The following GALNT13 variants were observed in gnomAD, a reference collection of about 807,000 sequenced individuals.
GALNT13 encodes the protein polypeptide N-acetylgalactosaminyltransferase 13.
In GALNT13, 28 loss-of-function variants were observed where a neutral mutation model predicts 64.2. The observed-to-expected ratio is 0.44, with a 90% CI of 0.32 to 0.60. The LOEUF (loss-of-function observed/expected upper bound fraction) is 0.60. Ranked by LOEUF, GALNT13 falls within the 20% of genes least tolerant of loss-of-function variation. The pLI is 0.05. For missense variants in GALNT13, 577 were observed against 669.8 expected (o/e 0.86, Z 1.53); for synonymous variants, 214 against 224.6 (o/e 0.95, Z 0.42).
chr2:153,164,968 T>C, the GALNT13 span, among the ~76,000 whole-genome samples: 6 of 152,238 alleles, frequency 3.9e-5, no homozygotes, highest in South Asian at 1.2e-3. Context: ...TCAAAACTTT[T>C]GATCTGTGAC....
At chr2:154,383,579 C>G (rs1197057282) in intron 9 of GALNT13, among the ~76,000 whole-genome samples, 1 of 151,790 alleles carries the variant, frequency 6.6e-6, no homozygotes, top group African/African-American at 2.4e-5. Flanking sequence ...TGTGTTTTTT[C>G]TTTACTAACT....
rs796296322 is a variant in GALNT13, at chr2:154,049,104, T to TTTG, written c.143-91231_143-91229dup. 1.1e-4 allele frequency among the ~76,000 whole-genome samples: 16 copies of TTTG among 152,168 alleles called. 1 individual carries two copies. Among genetic ancestry groups the TTTG allele is most frequent in the African/African-American group, 3.9e-4 (16 of 41,530 alleles). Reference sequence around the variant, plus strand: ...AATGACATCTTGTCTCTGTCATCCCTTTGTAGTCCATCAAAATGATTAATG... The same window carrying TTTG: ...AATGACATCTTGTCTCTGTCATCCCTTTGTTGTAGTCCATCAAAATGATTAATG... On this transcript the variant is annotated intron_variant, in intron 3 of 12. Coordinates refer to ENST00000392825, the MANE Select transcript of GALNT13 (RefSeq NM_052917.4).
chr2:154,450,140 A>ATT (rs1256394683), intron 12 of GALNT13, among the ~76,000 whole-genome samples: 7 of 152,044 alleles, frequency 4.6e-5, no homozygotes, highest in African/African-American at 1.7e-4. Flanking sequence ...TTTGCAAAGG[A>ATT]GCCTGAATTC....
chr2:153,153,506 G>C, the GALNT13 span, among the ~76,000 whole-genome samples: 3 of 152,146 alleles, frequency 2.0e-5, no homozygotes, highest in Non-Finnish European at 4.4e-5. Context: ...TTGTCTTCCA[G>C]AGTTTTTATA....
chr2:154,290,788 C>T (rs1180597690), intron 8 of GALNT13, among the ~76,000 whole-genome samples: 2 of 152,100 alleles, frequency 1.3e-5, no homozygotes, highest in South Asian at 2.1e-4. Flanking sequence ...TTCTGATGTT[C>T]GGACGTGTCT....
the GALNT13 span, among the ~76,000 whole-genome samples, chr2:153,628,646 A>T: frequency 6.6e-6 from 1 of 152,162 alleles, no homozygotes; most frequent in African/African-American, 2.4e-5. Context: ...GCTGGATTAC[A>T]TTTATTGATT....
At chr2:153,941,096 G>A (rs1325701986) in intron 2 of GALNT13, among the ~76,000 whole-genome samples, 1 of 151,850 alleles carries the variant, frequency 6.6e-6, no homozygotes, top group Non-Finnish European at 1.5e-5. Context: ...CTCTCTTGTT[G>A]CCCATGCTGG....
At chr2:153,728,495 G>A in the GALNT13 span, among the ~76,000 whole-genome samples, 1 of 152,172 alleles carries the variant, frequency 6.6e-6, no homozygotes, top group Non-Finnish European at 1.5e-5. Flanking sequence ...AGCAAAAACA[G>A]TGTTAGGAGG....
chr2:153,354,066 A>C, the GALNT13 span, among the ~76,000 whole-genome samples: 1 of 152,120 alleles, frequency 6.6e-6, no homozygotes, highest in African/African-American at 2.4e-5. Flanking sequence ...TGATTGATTC[A>C]ATTTATTTAA....
At chr2:153,587,665 T>G in the GALNT13 span, among the ~76,000 whole-genome samples, 1 of 152,188 alleles carries the variant, frequency 6.6e-6, no homozygotes, top group African/African-American at 2.4e-5. Context: ...CATGTAGGAA[T>G]TCAAGATGAG....
intron 4 of GALNT13, among the ~76,000 whole-genome samples, chr2:154,162,870 G>A (rs191966869): frequency 6.9e-6 from 1 of 145,378 alleles, no homozygotes; most frequent in Non-Finnish European, 1.5e-5. Flanking sequence ...GTGTAGATGA[G>A]GTAATGGAAG....
In GALNT13 at chr2:153,966,478, G is replaced by A. The variant is rs1574225989; in HGVS notation, c.142+21839G>A. ...CCTGCCGGGTTCACGCCATTCTCCT[G>A]CCTCAGCCTCCCAAGTAGCTGGGAC... On this transcript the variant is annotated intron_variant, in intron 3 of 12. Coordinates refer to ENST00000392825, the MANE Select transcript of GALNT13 (RefSeq NM_052917.4). Among the ~76,000 whole-genome samples, 3 of 151,446 alleles carry A rather than the reference G, an allele frequency of 2.0e-5. No individual in the cohort carries two copies. The South Asian group carries it at 6.2e-4, about 32-fold the overall frequency.
the GALNT13 span, among the ~76,000 whole-genome samples, chr2:153,731,962 A>G: frequency 6.6e-6 from 1 of 151,980 alleles, no homozygotes; most frequent in Non-Finnish European, 1.5e-5. Context: ...GCTTATAAAT[A>G]GTGATAAAGT....
At chr2:153,257,091 A>G in the GALNT13 span, among the ~76,000 whole-genome samples, 1 of 152,188 alleles carries the variant, frequency 6.6e-6, no homozygotes, top group Non-Finnish European at 1.5e-5. Flanking sequence ...CTGCTGTGCT[A>G]GCAATCAGTG....
chr2:154,052,799 C>G lies in GALNT13; in HGVS notation c.143-87538C>G, dbSNP rs535401801. ...TTGCCCAGGCTGGAGTGCAGTGGCA[C>G]GATCTTGGCTCACTGCAAGCTCCGC... On this transcript the variant is annotated intron_variant, in intron 3 of 12. Transcript: ENST00000392825. 3.3e-5 allele frequency among the ~76,000 whole-genome samples: 5 copies of G among 149,660 alleles called. No homozygotes were observed. The East Asian group carries it at 1.0e-3, about 30-fold the overall frequency.
chr2:153,676,102 T>C, the GALNT13 span, among the ~76,000 whole-genome samples: 1 of 151,880 alleles, frequency 6.6e-6, no homozygotes, highest in African/African-American at 2.4e-5. Flanking sequence ...TCAACTAAGA[T>C]TGTAGACCAT....
chr2:153,175,396 A>G, the GALNT13 span, among the ~76,000 whole-genome samples: 5 of 152,162 alleles, frequency 3.3e-5, no homozygotes, highest in African/African-American at 1.2e-4. Context: ...GTAATTTGCA[A>G]ATTCTTAAAA....
At chr2:153,551,691 A>G in the GALNT13 span, among the ~76,000 whole-genome samples, 6 of 152,190 alleles carry the variant, frequency 3.9e-5, no homozygotes, top group Non-Finnish European at 7.3e-5. Context: ...CATTACTGAG[A>G]TAAGGAAGTT....
chr2:153,075,476 C>G, the GALNT13 span, among the ~76,000 whole-genome samples: 1 of 152,184 alleles, frequency 6.6e-6, no homozygotes, highest in African/African-American at 2.4e-5. Flanking sequence ...AACACTATGA[C>G]CAATTATATA....
Sources: allele counts gnomAD v4.1 joint callset (sites outside exome capture counted in the v4.1 genomes callset), GRCh38; gene constraint gnomAD v4.1.1; transcripts MANE v1.5; gene names NCBI Gene and HGNC (gene_info 2026-07-23, HGNC 2026-07-21).